The following GPR39 variants were observed in gnomAD, a reference collection of about 807,000 sequenced individuals.
GPR39 encodes G protein-coupled receptor 39, also known as zinc sensing receptor.
In GPR39, 23 loss-of-function variants were observed where a neutral mutation model predicts 18.4. The observed-to-expected ratio is 1.25, with a 90% CI of 0.90 to 1.77. GPR39 has a LOEUF of 1.77. Ranked by LOEUF, GPR39 falls within the 40% of genes most tolerant of loss-of-function variation. The pLI is 0.00. For synonymous variants in GPR39, 280 were observed against 257.9 expected (o/e 1.09, Z -0.82); for missense variants, 647 against 602.4 (o/e 1.07, Z -0.78).
intron 1 of GPR39, among the ~76,000 whole-genome samples, chr2:132,460,794 G>A (rs569842773): frequency 1.3e-5 from 2 of 152,000 alleles, no homozygotes; most frequent in South Asian, 4.2e-4. Context: ...GTATCAATAA[G>A]GTGCCTACAT....
chr2:132,495,781 C>G (rs946929219), intron 1 of GPR39, among the ~76,000 whole-genome samples: 1 of 151,474 alleles, frequency 6.6e-6, no homozygotes, highest in African/African-American at 2.4e-5. Flanking sequence ...CTCCTTTCCT[C>G]TCTTTCATCC....
chr2:132,470,397 G>A (rs914165289), intron 1 of GPR39, among the ~76,000 whole-genome samples: 1 of 152,114 alleles, frequency 6.6e-6, no homozygotes, highest in Non-Finnish European at 1.5e-5. Flanking sequence ...AAGACGTCTG[G>A]GGAAAGACTG....
chr2:132,418,995 T>G (rs911483431), intron 1 of GPR39, among the ~76,000 whole-genome samples: 2 of 152,108 alleles, frequency 1.3e-5, no homozygotes, highest in African/African-American at 4.8e-5. Context: ...GAGAGAGAGT[T>G]GGAAGGCACT....
At chr2:132,596,880 C>T (rs1680959556) in intron 1 of GPR39, among the ~76,000 whole-genome samples, 1 of 152,200 alleles carries the variant, frequency 6.6e-6, no homozygotes, top group Non-Finnish European at 1.5e-5. Context: ...AGGTTGAGAA[C>T]CATTGCCTGG....
intron 1 of GPR39, among the ~76,000 whole-genome samples, chr2:132,617,000 AT>A (rs1184047814): frequency 6.6e-6 from 1 of 152,072 alleles, no homozygotes; most frequent in Non-Finnish European, 1.5e-5. Flanking sequence ...TTTTTAAAAA[AT>A]TTTTTTCCAG....
chr2:132,545,965 C>G (rs3109133), intron 1 of GPR39, among the ~76,000 whole-genome samples: 82,603 of 151,924 alleles, frequency 0.54, 23,554 homozygotes, highest in East Asian at 0.9. Context: ...GCAGACGAAG[C>G]GAAGTTTACC....
At chr2:132,469,083 G>A (rs1307973961) in intron 1 of GPR39, among the ~76,000 whole-genome samples, 4 of 152,232 alleles carry the variant, frequency 2.6e-5, no homozygotes, top group African/African-American at 9.6e-5. Flanking sequence ...CTTGGGACAT[G>A]TCTCTGAGAC....
intron 1 of GPR39, among the ~76,000 whole-genome samples, chr2:132,538,862 CA>C (rs1472359531): frequency 1.3e-5 from 2 of 152,208 alleles, no homozygotes; most frequent in African/African-American, 2.4e-5. Context: ...TTAGCACTAT[CA>C]GGGGGAAACC....
intron 1 of GPR39, among the ~76,000 whole-genome samples, chr2:132,597,257 G>T (rs967613541): frequency 6.6e-6 from 1 of 152,226 alleles, no homozygotes; most frequent in African/African-American, 2.4e-5. Flanking sequence ...GATCCAGGCA[G>T]CTCTGCTTAC....
chr2:132,645,085 G>C lies in GPR39; in HGVS notation c.857-16G>C. ...TTTCTTTTCTCTGTCTCTCCCTCCT[G>C]CTCGTGTCTGCCCAGGGCTGATTGT... On this transcript the variant is annotated splice_polypyrimidine_tract_variant and intron_variant, in intron 1 of 1. Coordinates refer to ENST00000329321, the MANE Select transcript of GPR39 (RefSeq NM_001508.3). 4 of 1,599,384 alleles carry C rather than the reference G, an allele frequency of 2.5e-6. No homozygotes were observed. The highest frequency in any genetic ancestry group is 3.4e-6 in the Non-Finnish European group (4 of 1,171,404).
At chr2:132,622,082 A>G (rs777955021) in intron 1 of GPR39, among the ~76,000 whole-genome samples, 6 of 152,146 alleles carry the variant, frequency 3.9e-5, no homozygotes, top group Non-Finnish European at 8.8e-5. Flanking sequence ...TTTGAGAAGG[A>G]CGATGGAAAA....
At chr2:132,446,018 G>C (rs1253922190) in intron 1 of GPR39, among the ~76,000 whole-genome samples, 1 of 152,084 alleles carries the variant, frequency 6.6e-6, no homozygotes, top group Non-Finnish European at 1.5e-5. Flanking sequence ...TTGAGGAAGG[G>C]GGTGAAGTGC....
At chr2:132,536,813 G>A (rs1285723675) in intron 1 of GPR39, among the ~76,000 whole-genome samples, 10 of 152,110 alleles carry the variant, frequency 6.6e-5, no homozygotes, top group South Asian at 2.1e-4. Context: ...TCCCTTTACC[G>A]TTATGTAATG....
chr2:132,588,791 C>T (rs985119761), intron 1 of GPR39, among the ~76,000 whole-genome samples: 2 of 152,174 alleles, frequency 1.3e-5, no homozygotes, highest in Non-Finnish European at 2.9e-5. Context: ...AGTCCCAAGT[C>T]CACTGTGATG....
chr2:132,606,905 C>A (rs1681148805), intron 1 of GPR39, among the ~76,000 whole-genome samples: 1 of 152,166 alleles, frequency 6.6e-6, no homozygotes, highest in African/African-American at 2.4e-5. Context: ...TGCCCCTAAC[C>A]AAGGGAGAAG....
Position 132,417,235 on chromosome 2 carries a change from C to T in GPR39, c.193C>T (p.Gln65Ter). 1.2e-6 allele frequency: 2 copies of T among 1,614,144 alleles called. No individual in the cohort carries two copies. The highest frequency in any genetic ancestry group is 4.5e-5 in the East Asian group (2 of 44,852). ...GGTGCTGCAGAAGAAAGGATACTTG[C>T]AGAAGGAGGTGACAGACCACATGGT... Reference protein sequence around the residue: ...TQVLQKKGYLQKEVTDHMVSL... With the variant: ...TQVLQKKGYL Residue 65 changes from glutamine (Q) to a stop codon, truncating the protein, a stop_gained, in exon 1 of 2, where the codon CAG becomes TAG. Coordinates refer to ENST00000329321, the MANE Select transcript of GPR39 (RefSeq NM_001508.3). LOFTEE classifies it high-confidence loss of function.
At chr2:132,493,011 C>A (rs1681529352) in intron 1 of GPR39, among the ~76,000 whole-genome samples, 1 of 138,134 alleles carries the variant, frequency 7.2e-6, no homozygotes, top group Non-Finnish European at 1.5e-5. Flanking sequence ...CATATATACA[C>A]TATATATACT....
intron 1 of GPR39, among the ~76,000 whole-genome samples, chr2:132,556,999 T>C (rs1471932116): frequency 6.6e-6 from 1 of 152,164 alleles, no homozygotes; most frequent in Non-Finnish European, 1.5e-5. Context: ...GAGGGCTGTT[T>C]ATCACATTGA....
intron 1 of GPR39, among the ~76,000 whole-genome samples, chr2:132,477,293 G>A (rs1474319869): frequency 1.3e-5 from 2 of 152,148 alleles, no homozygotes; most frequent in Non-Finnish European, 2.9e-5. Context: ...ACATAGATGA[G>A]GACACAAGGA....
Sources: allele counts gnomAD v4.1 joint callset (sites outside exome capture counted in the v4.1 genomes callset), GRCh38; gene constraint gnomAD v4.1.1; transcripts MANE v1.5; gene names NCBI Gene and HGNC (gene_info 2026-07-23, HGNC 2026-07-21).